Variants in ADAMTS2 observed in about 807,000 individuals in gnomAD.
The protein encoded by ADAMTS2 is ADAM metallopeptidase with thrombospondin type 1 motif 2.
In ADAMTS2, 50 loss-of-function variants were observed where a neutral mutation model predicts 123.0. That is an observed-to-expected ratio of 0.41 (90% CI 0.32 to 0.51). ADAMTS2 has a LOEUF of 0.51. ADAMTS2 is among the 20% of genes least tolerant of loss of function. The probability of loss-of-function intolerance (pLI) is 0.35; values close to 1 mark genes in which losing one functional copy is unlikely to be tolerated. For synonymous variants in ADAMTS2, 678 were observed against 695.4 expected, an observed-to-expected ratio of 0.98 and a Z score of 0.39; for missense variants, 1,494 against 1,705.2, an observed-to-expected ratio of 0.88 and a Z score of 2.18.
At position 179,111,719 on chromosome 5, in the gene ADAMTS2, C is replaced by T. The variant is rs919597150; in HGVS notation, c.*2148G>A. On this transcript the variant is annotated 3_prime_UTR_variant, in exon 22 of 22. Coordinates refer to ENST00000251582, the MANE Select transcript of ADAMTS2 (RefSeq NM_014244.5). Reference sequence around the variant, plus strand: ...AAACCGAGTCATACTCTCTGCCTAGCGTTAGTCCTGAACTTCCTCCACATC... The same window carrying T: ...AAACCGAGTCATACTCTCTGCCTAGTGTTAGTCCTGAACTTCCTCCACATC... The T allele has an allele frequency of 1.3e-5, 2 of 152,284 alleles. No individual in the cohort carries two copies. The highest frequency in any genetic ancestry group is 3.8e-4 in the East Asian group (2 of 5,196). 9.4% of individuals were successfully genotyped at this position (152,284 alleles called of 1,614,324 possible).
At position 179,298,641 on chromosome 5, in the gene ADAMTS2, T is replaced by C. The variant is rs1581255289; in HGVS notation, c.535-25577A>G. 3.3e-5 allele frequency among the ~76,000 whole-genome samples: 5 copies of C among 152,114 alleles called. 1 individual carries two copies. Among genetic ancestry groups the C allele is most frequent in the African/African-American group, 1.2e-4 (5 of 41,486 alleles). ...GAATACACACGTGGCAGGAGGGGTG[T>C]GGACGGGCTCTACGGAACTGGGAGA... On this transcript the variant is annotated intron_variant, in intron 2 of 21. Coordinates refer to ENST00000251582, the MANE Select transcript of ADAMTS2 (RefSeq NM_014244.5).
chr5:179,222,643 G>A (rs1275373503), intron 3 of ADAMTS2, among the ~76,000 whole-genome samples: 1 of 152,272 alleles, frequency 6.6e-6, no homozygotes, highest in Non-Finnish European at 1.5e-5. Flanking sequence ...AAAAGCTGGT[G>A]TGACCCTTCC....
intron 2 of ADAMTS2, among the ~76,000 whole-genome samples, chr5:179,326,088 G>A (rs965151067): frequency 2.7e-4 from 41 of 152,170 alleles, no homozygotes; most frequent in African/African-American, 9.9e-4. Context: ...TCCCTTCTTG[G>A]GGCCTGCCCG....
rs1012004718 is a variant in ADAMTS2 at position 179,242,075 on chromosome 5, A to G, written c.688+30836T>C. On this transcript the variant is annotated intron_variant, in intron 3 of 21. Coordinates refer to ENST00000251582, the MANE Select transcript of ADAMTS2 (RefSeq NM_014244.5). This position sits in a 1 kb window ranked among gnomAD's most constrained non-coding sequence, Gnocchi z 4.2. ...ACACATGACTGGAGTGAGACTAATC[A>G]TGGGTCTTCCATGAGATCTGAACAT... Among the ~76,000 whole-genome samples, 3 of 152,192 alleles carry G rather than the reference A, an allele frequency of 2.0e-5. No individual in the cohort carries two copies. Among genetic ancestry groups the G allele is most frequent in the Admixed American group, 1.3e-4 (2 of 15,284 alleles).
In ADAMTS2 at chr5:179,135,947, T is replaced by C. The variant is rs900619071; in HGVS notation, c.2047A>G (p.Lys683Glu). Residue 683 changes from lysine to glutamate, a missense_variant, in exon 13 of 22, where the codon AAG becomes GAG. Coordinates refer to ENST00000251582, the MANE Select transcript of ADAMTS2 (RefSeq NM_014244.5). ...MVHDGTRCSY[K>E]DAFSLCVRGD... ...CGCACACAGAGGCTGAAGGCGTCCT[T>C]GTAGGAGCAGCGCGTCCCGTCATGC... The C allele has an allele frequency of 1.9e-6, 3 of 1,613,128 alleles. No homozygotes were observed. The highest frequency in any genetic ancestry group is 2.5e-6 in the Non-Finnish European group (3 of 1,180,030).
In ADAMTS2 at chr5:179,127,967, C is replaced by T; in HGVS notation, c.2609G>A (p.Cys870Tyr). 6.2e-7 allele frequency: 1 copy of T among 1,613,886 alleles called. No individual in the cohort carries two copies. Among genetic ancestry groups the T allele is most frequent in the Non-Finnish European group, 8.5e-7 (1 of 1,180,038 alleles). The change falls in exon 17 of 22, where the codon TGT becomes TAT. Residue 870 changes from cysteine to tyrosine, a missense_variant. Cys to Tyr is a radical substitution (Grantham distance 194, BLOSUM62 -2). Transcript: ENST00000251582. ...LKKWSPCSKP[C>Y]GGGSQFTKYG... ...CTTCGAGACCCCCTCACCTCCGCCA[C>T]AGGGCTTGGAGCACGGAGACCACTT...
intron 10 of ADAMTS2, among the ~76,000 whole-genome samples, chr5:179,145,581 T>C (rs1178709937): frequency 2.0e-5 from 3 of 152,200 alleles, no homozygotes; most frequent in African/African-American, 7.2e-5. Flanking sequence ...GTGAACATTA[T>C]GCCAAGTGAA....
intron 4 of ADAMTS2, among the ~76,000 whole-genome samples, chr5:179,194,984 T>C (rs1001779647): frequency 6.6e-6 from 1 of 152,212 alleles, no homozygotes; most frequent in Non-Finnish European, 1.5e-5. Context: ...CGATTCACGA[T>C]GCGGCCAGGC....
At chr5:179,136,756 G>A (rs192699688) in intron 12 of ADAMTS2, among the ~76,000 whole-genome samples, 1 of 151,156 alleles carries the variant, frequency 6.6e-6, no homozygotes, top group Non-Finnish European at 1.5e-5. Context: ...GGATCATGAC[G>A]TCAGGAGATG....
At chr5:179,342,639 C>G (rs1757809316) in intron 2 of ADAMTS2, among the ~76,000 whole-genome samples, 1 of 152,256 alleles carries the variant, frequency 6.6e-6, no homozygotes, top group Non-Finnish European at 1.5e-5. Context: ...AGTGGCCACT[C>G]ACTCGGGGCA....
intron 2 of ADAMTS2, among the ~76,000 whole-genome samples, chr5:179,278,771 C>T (rs1220128065): frequency 6.6e-6 from 1 of 151,974 alleles, no homozygotes; most frequent in African/African-American, 2.4e-5. Flanking sequence ...GGCCCAGAGC[C>T]TGGTAGTACC....
chr5:179,217,877 ACGG>A (rs1561811465), intron 3 of ADAMTS2, among the ~76,000 whole-genome samples: 11 of 86,432 alleles, frequency 1.3e-4, no homozygotes, highest in African/African-American at 4.1e-4. Flanking sequence ...CTGAGGGCAG[ACGG>A]CACACTCACT....
rs201726200 is a variant in ADAMTS2, at chr5:179,248,976, CATATGTT to C, written c.688+23928_688+23934del. Among the ~76,000 whole-genome samples, 869 of 152,208 alleles carry C rather than the reference CATATGTT, an allele frequency of 5.7e-3. 11 individuals are homozygous for C. Among genetic ancestry groups the C allele is most frequent in the African/African-American group, 0.02 (831 of 41,550 alleles). The stretch of plus-strand genomic sequence containing the variant: ...ATGATGATCATTCTCCAGGATAGGT[CATATGTT>C]AGGTCACAAAACAAGTCTCAATAAC... On this transcript the variant is annotated intron_variant, in intron 3 of 21. Transcript: ENST00000251582.
chr5:179,214,974 C>T (rs969357871), intron 3 of ADAMTS2, among the ~76,000 whole-genome samples: 2 of 151,996 alleles, frequency 1.3e-5, no homozygotes, highest in East Asian at 1.9e-4. Context: ...ATTGTTAAAA[C>T]CCAACAAAGT....
At chr5:179,143,920 G>C (rs1340785121) in intron 10 of ADAMTS2, among the ~76,000 whole-genome samples, 2 of 152,028 alleles carry the variant, frequency 1.3e-5, no homozygotes, top group East Asian at 3.8e-4. Flanking sequence ...TCCAATCAGA[G>C]TCTGTCATTT....
intron 2 of ADAMTS2, among the ~76,000 whole-genome samples, chr5:179,294,352 A>T (rs1284885524): frequency 6.6e-6 from 1 of 152,336 alleles, no homozygotes; most frequent in South Asian, 2.1e-4. Context: ...CCAGCCAGCC[A>T]ATTATTTTTA....
chr5:179,151,128 C>A (rs758913690), intron 10 of ADAMTS2: 2 of 382,560 alleles, frequency 5.2e-6, no homozygotes, highest in Non-Finnish European at 1.1e-5. Flanking sequence ...AACTTCTGAC[C>A]TCAGGCGATC....
At chr5:179,302,379 C>CAAAAAAAAA (rs1166990772) in intron 2 of ADAMTS2, among the ~76,000 whole-genome samples, 1 of 38,184 alleles carries the variant, frequency 2.6e-5, no homozygotes, top group African/African-American at 1.1e-4. Flanking sequence ...AAGACCGTCT[C>CAAAAAAAAA]AAAAAAAAAA....
At chr5:179,282,850 C>T (rs374613690) in intron 2 of ADAMTS2, among the ~76,000 whole-genome samples, 5 of 151,982 alleles carry the variant, frequency 3.3e-5, no homozygotes, top group Admixed American at 6.6e-5. Context: ...CTGAGGCAGG[C>T]GGATCACGAG....
Sources: gnomAD v4.1 joint callset for allele counts (sites outside exome capture counted in the v4.1 genomes callset) on GRCh38, gnomAD v4.1.1 for gene constraint, Gnocchi (gnomAD v3.1) non-coding constraint, MANE v1.5 for transcripts, NCBI Gene and HGNC (gene_info 2026-07-23, HGNC 2026-07-21) for gene names.